TGM1: variants seen among roughly 807,000 people sequenced by gnomAD.
TGM1 encodes protein-glutamine gamma-glutamyltransferase K.
In TGM1, 63 loss-of-function variants were observed where a neutral mutation model predicts 88.7. The observed-to-expected ratio is 0.71, with a 90% confidence interval of 0.58 to 0.88. The LOEUF is 0.88. Ranked by LOEUF, TGM1 falls within the 40% of genes least tolerant of loss-of-function variation. The probability of loss-of-function intolerance (pLI) is 0.00; values close to 1 mark genes in which losing one functional copy is unlikely to be tolerated. For missense variants in TGM1, 996 were observed against 1,118.0 expected, an observed-to-expected ratio of 0.89 and a Z score of 1.56; for synonymous variants, 415 against 431.1, an observed-to-expected ratio of 0.96 and a Z score of 0.46.
rs767140464 is a variant in TGM1, at chr14:24,255,292, C to A, written c.1646-39G>T. 1 of 1,614,170 alleles carries A rather than the reference C, an allele frequency of 6.2e-7. No homozygotes were observed. The highest frequency in any genetic ancestry group is 8.5e-7 in the Non-Finnish European group (1 of 1,180,042). Reference sequence around the variant, plus strand: ...GTCAAGGGTGAGGTTCCAATTCCCACGTGGGTGGCCAAGCACTTGGCAGGA... The same window carrying A: ...GTCAAGGGTGAGGTTCCAATTCCCAAGTGGGTGGCCAAGCACTTGGCAGGA... On this transcript the variant is annotated intron_variant, in intron 11 of 14. Coordinates refer to ENST00000206765, the MANE Select transcript of TGM1 (RefSeq NM_000359.3). The surrounding 1 kb of genome is among the most constrained non-coding windows in gnomAD (Gnocchi z 4.0).
In TGM1 at chr14:24,255,342, G is replaced by A; in HGVS notation, c.1645+22C>T. ...AACACTTGTTGTGGGGCCCAGAGCT[G>A]GCTGGGTTGGGGGAATGGTACCTTC... On this transcript the variant is annotated intron_variant, in intron 11 of 14. Transcript: ENST00000206765. The surrounding 1 kb of genome is among the most constrained non-coding windows in gnomAD (Gnocchi z 4.0). 2 of 1,614,248 alleles carry A rather than the reference G, an allele frequency of 1.2e-6. No homozygotes were observed. Among genetic ancestry groups the A allele is most frequent in the Non-Finnish European group, 1.7e-6 (2 of 1,180,044 alleles).
In TGM1 at chr14:24,260,462, G is replaced by T. The variant is rs762000108; in HGVS notation, c.745C>A (p.Pro249Thr). Residue 249 changes from proline to threonine, a missense_variant, in exon 4 of 15, where the codon CCC becomes ACC. Transcript: ENST00000206765. ...CCCAGCTGCTCACCTGGGCACCAGG[G>T]GTTGAAGAGGATGTAGATCTCATTG... ...PRNEIYILFN[P>T]WCPEDIVYVD... 4 of 1,614,094 alleles carry T rather than the reference G, an allele frequency of 2.5e-6. No homozygotes were observed. Among genetic ancestry groups the T allele is most frequent in the African/African-American group, 2.7e-5 (2 of 74,934 alleles).
At chr14:24,251,061 T>A (rs751289064) in intron 14 of TGM1, among the ~76,000 whole-genome samples, 1 of 152,222 alleles carries the variant, frequency 6.6e-6, no homozygotes, top group Non-Finnish European at 1.5e-5. Context: ...GTGAGGCTTA[T>A]GAGAAGCTAT....
At chr14:24,258,817 C>T in intron 7 of TGM1, 144 bp from the exon 8 acceptor site, 1 of 1,313,776 alleles carries the variant, frequency 7.6e-7, no homozygotes, top group South Asian at 1.4e-5. Flanking sequence ...GGCCACAAGG[C>T]CTTTGGGCTA....
At chr14:24,251,049 C>T (rs886850687) in intron 14 of TGM1, among the ~76,000 whole-genome samples, 1 of 152,186 alleles carries the variant, frequency 6.6e-6, no homozygotes, top group Non-Finnish European at 1.5e-5. Context: ...CACTTGTTAG[C>T]TGTGAGGCTT....
chr14:24,255,976 G>A lies in TGM1; in HGVS notation c.1491+13C>T. The A allele has an allele frequency of 1.9e-6, 3 of 1,554,442 alleles. No homozygotes were observed. Among genetic ancestry groups the A allele is most frequent in the Non-Finnish European group, 2.6e-6 (3 of 1,147,834 alleles). ...ACTGAAGCCCAAGAAGGCACCTGGA[G>A]CCCAGCCCTCACCTCAGCAAAAATG... On this transcript the variant is annotated intron_variant, in intron 10 of 14. Transcript: ENST00000206765. This position sits in a 1 kb window ranked among gnomAD's most constrained non-coding sequence, Gnocchi z 4.0.
rs372231860 is a variant in TGM1, at chr14:24,249,311, G to A, written c.*2C>T. 7.4e-6 allele frequency: 12 copies of A among 1,612,558 alleles called. No individual in the cohort carries two copies. In the African/African-American group the frequency reaches 1.3e-4, roughly 18 times the overall value. ...TCCAGTCCCATTGCTCCTGGCACGG[G>A]GCTAAGCTCCACCTCGAGATGCCAT... On this transcript the variant is annotated 3_prime_UTR_variant, in exon 15 of 15. Coordinates refer to ENST00000206765, the MANE Select transcript of TGM1 (RefSeq NM_000359.3).
In TGM1 at chr14:24,262,025, C is replaced by A. The variant is rs749759208; in HGVS notation, c.319+9G>T. 34 of 1,613,112 alleles carry A rather than the reference C, an allele frequency of 2.1e-5. No individual in the cohort carries two copies. The highest frequency in any genetic ancestry group is 1.4e-4 in the South Asian group (13 of 91,080). On this transcript the variant is annotated intron_variant, in intron 2 of 14. Transcript: ENST00000206765. ...TAGCTCTCAGCTGAGGAGGACAGACCGGCCTCACCTCGGATGGTGCCATCT... is the reference window on the plus strand; with the variant it reads ...TAGCTCTCAGCTGAGGAGGACAGACAGGCCTCACCTCGGATGGTGCCATCT...
chr14:24,251,364 C>A (rs2040699532), intron 14 of TGM1, among the ~76,000 whole-genome samples: 2 of 152,140 alleles, frequency 1.3e-5, no homozygotes, highest in Non-Finnish European at 2.9e-5. Context: ...TTACTCTATA[C>A]CATAATTGAA....
chr14:24,253,246 T>C (rs1360303017), intron 14 of TGM1, among the ~76,000 whole-genome samples: 1 of 152,132 alleles, frequency 6.6e-6, no homozygotes, highest in East Asian at 1.9e-4. Context: ...AAATAACAAC[T>C]ACCAATGGAG....
At position 24,260,016 on chromosome 14, in the gene TGM1, T is replaced by C. The variant is rs762845943; in HGVS notation, c.800A>G (p.Tyr267Cys). 1 of 1,614,170 alleles carries C rather than the reference T, an allele frequency of 6.2e-7. No homozygotes were observed. Among genetic ancestry groups the C allele is most frequent in the Non-Finnish European group, 8.5e-7 (1 of 1,180,036 alleles). ...YVDHEDWRQEYVLNESGRIYY... is the reference protein window; with the variant it reads ...YVDHEDWRQECVLNESGRIYY... ...AATTCTCCCAGACTCATTAAGAACATACTCCTGCCGCCAATCCTCATGGTC... is the reference window on the plus strand; with the variant it reads ...AATTCTCCCAGACTCATTAAGAACACACTCCTGCCGCCAATCCTCATGGTC... Residue 267 changes from tyrosine (Y) to cysteine (C), a missense_variant, in exon 5 of 15, where the codon TAT becomes TGT. Tyr to Cys is a radical substitution (Grantham distance 194). Coordinates refer to ENST00000206765, the MANE Select transcript of TGM1 (RefSeq NM_000359.3).
At position 24,249,421 on chromosome 14, in the gene TGM1, G is replaced by A. The variant is rs2040680746; in HGVS notation, c.2346C>T (p.Ile782=). The A allele has an allele frequency of 3.1e-6, 5 of 1,614,120 alleles. No homozygotes were observed. The highest frequency in any genetic ancestry group is 3.4e-6 in the Non-Finnish European group (4 of 1,180,030). Residue 782 remains isoleucine (I), a synonymous_variant, in exon 15 of 15, where the codon ATC becomes ATT. Transcript: ENST00000206765. ...SPQLSQVHGV[I]QVDVAPAPGD... ...CAGGGGCTGGGGCCACATCCACCTG[G>A]ATGACACCGTGCACCTGGGAGAGCT...
rs2040788149 is a variant in TGM1 at position 24,259,607 on chromosome 14, G to C, written c.984+97C>G. 1.1e-5 allele frequency: 11 copies of C among 1,029,946 alleles called. 1 individual carries two copies. The highest frequency in any genetic ancestry group is 2.6e-4 in the Middle Eastern group (1 of 3,804). The allele number at this position is 1,029,946 out of a possible 1,614,324, so 63.8% of individuals were successfully genotyped here. A position where few individuals can be genotyped will look rare whatever the true frequency, so the allele number is the denominator to read the frequency against. Reference sequence around the variant, plus strand: ...TTACGAGGGCAGGGACAGGGCTGGGGGTTCTTGAGGAATCCAGAAAGGGCA... The same window carrying C: ...TTACGAGGGCAGGGACAGGGCTGGGCGTTCTTGAGGAATCCAGAAAGGGCA... On this transcript the variant is annotated intron_variant, in intron 6 of 14. Coordinates refer to ENST00000206765, the MANE Select transcript of TGM1 (RefSeq NM_000359.3). This position sits in a 1 kb window ranked among gnomAD's most constrained non-coding sequence, Gnocchi z 5.7.
chr14:24,256,046 C>A lies in TGM1; in HGVS notation c.1434G>T (p.Glu478Asp), dbSNP rs748725054. The A allele has an allele frequency of 1.3e-6, 2 of 1,571,096 alleles. No homozygotes were observed. ...TGTAGACCAGGCCATTCTTGATGGA[C>A]TCCACAGAGCAGGGGCCGCAGCAGA... is the stretch of plus-strand genomic sequence containing the variant. ...GIFCCGPCSV[E>D]SIKNGLVYMK... The change falls in exon 10 of 15, where the codon GAG becomes GAT. Residue 478 changes from glutamate (E) to aspartate (D), a missense_variant. Coordinates refer to ENST00000206765, the MANE Select transcript of TGM1 (RefSeq NM_000359.3).
chr14:24,249,169 T>C lies in TGM1; in HGVS notation c.*144A>G. ...TCCCCCAGTGCAAGTGAAGACTGAC[T>C]CCCTCTCCGGGAGCCCTGGACTCCC... On this transcript the variant is annotated 3_prime_UTR_variant, in exon 15 of 15. Coordinates refer to ENST00000206765, the MANE Select transcript of TGM1 (RefSeq NM_000359.3). 2 of 672,010 alleles carry C rather than the reference T, an allele frequency of 3.0e-6. No homozygotes were observed. The highest frequency in any genetic ancestry group is 5.3e-6 in the Non-Finnish European group (2 of 374,040). The allele number at this position is 672,010 out of a possible 1,614,324, so 41.6% of individuals were successfully genotyped here.
At chr14:24,260,775 C>T in intron 3 of TGM1, 77 bp from the exon 4 acceptor site, 1 of 1,599,528 alleles carries the variant, frequency 6.3e-7, no homozygotes, top group Non-Finnish European at 8.5e-7. Context: ...TCTCCCGGCC[C>T]CACCCACAAT....
intron 2 of TGM1, 29 bp downstream of exon 2, chr14:24,262,005 C>T (rs751378884): frequency 1.2e-5 from 19 of 1,612,730 alleles, no homozygotes; most frequent in South Asian, 5.5e-5. Context: ...CCTTTTAGCT[C>T]TCAGCTGAGG....
intron 3 of TGM1, 122 bp downstream of exon 3, chr14:24,261,573 G>A: frequency 7.9e-7 from 1 of 1,263,458 alleles, no homozygotes; most frequent in Admixed American, 1.7e-5. Context: ...ACTTGCACCT[G>A]CCTTATCTGG....
Position 24,255,874 on chromosome 14 carries a change from G to A in TGM1, c.1491+115C>T. The A allele has an allele frequency of 2.4e-6, 2 of 820,420 alleles. No homozygotes were observed. Among genetic ancestry groups the A allele is most frequent in the Non-Finnish European group, 2.0e-6 (1 of 508,482 alleles). The allele number at this position is 820,420 out of a possible 1,614,324, so 50.8% of individuals were successfully genotyped here. A position where few individuals can be genotyped will look rare whatever the true frequency, so the allele number is the denominator to read the frequency against. ...ATCCCCTTTTACAGGTGAGGAAACT[G>A]ACTTGTATAATGAGTGACTTGCCCC... On this transcript the variant is annotated intron_variant, in intron 10 of 14. Transcript: ENST00000206765. This position sits in a 1 kb window ranked among gnomAD's most constrained non-coding sequence, Gnocchi z 4.0.
Sources: allele counts gnomAD v4.1 joint callset (sites outside exome capture counted in the v4.1 genomes callset), GRCh38; gene constraint gnomAD v4.1.1; non-coding constraint Gnocchi (gnomAD v3.1); transcripts MANE v1.5; gene names NCBI Gene and HGNC (gene_info 2026-07-23, HGNC 2026-07-21).